Variants in PCDHGB2 observed in about 807,000 individuals in gnomAD.
PCDHGB2 encodes the protein protocadherin gamma subfamily B, 2, also known as protocadherin gamma-B2.
In PCDHGB2, 55 loss-of-function variants were observed where a neutral mutation model predicts 59.3. That is an observed-to-expected ratio of 0.93 (90% CI 0.75 to 1.16). The LOEUF is 1.16. Ranked by LOEUF, PCDHGB2 falls within the 50% of genes most tolerant of loss-of-function variation. The pLI is 0.00. For missense variants in PCDHGB2, 1,228 were observed against 1,198.5 expected (o/e 1.02, Z -0.36); for synonymous variants, 516 against 512.0 (o/e 1.01, Z -0.11).
At chr5:141,445,268 C>A (rs2098461653) in intron 1 of PCDHGB2, among the ~76,000 whole-genome samples, 1 of 152,170 alleles carries the variant, frequency 6.6e-6, no homozygotes, top group Non-Finnish European at 1.5e-5. Flanking sequence ...TAAGTCGAAA[C>A]CACTCTGCAT....
At chr5:141,478,215 T>C (rs764444582) in intron 1 of PCDHGB2, 11 of 1,614,118 alleles carry the variant, frequency 6.8e-6, no homozygotes. Context: ...TCTCTAATCC[T>C]GGTTTCTGTG....
intron 1 of PCDHGB2, among the ~76,000 whole-genome samples, chr5:141,474,165 A>G (rs1444314307): frequency 6.6e-6 from 1 of 152,234 alleles, no homozygotes; most frequent in Non-Finnish European, 1.5e-5. Context: ...GACAGGCCTT[A>G]TTATTGAGAA....
intron 1 of PCDHGB2, chr5:141,421,801 A>G (rs754191783): frequency 6.2e-7 from 1 of 1,613,858 alleles, no homozygotes; most frequent in Middle Eastern, 1.6e-4. Flanking sequence ...TGGGGCCAAG[A>G]ATCCAGAGCT....
rs772659046 is a variant in PCDHGB2 at position 141,426,970 on chromosome 5, A to C, written c.2421+64414A>C. On this transcript the variant is annotated intron_variant, in intron 1 of 3. Coordinates refer to ENST00000522605, the MANE Select transcript of PCDHGB2 (RefSeq NM_018923.3). Reference sequence around the variant, plus strand: ...ACTGGCACTGCTGCAATTCAAATTGAGGTCACTGATGCCAACGATAATGCC... The same window carrying C: ...ACTGGCACTGCTGCAATTCAAATTGCGGTCACTGATGCCAACGATAATGCC... 72 of 456,624 alleles carry C rather than the reference A, an allele frequency of 1.6e-4. No homozygotes were observed. In the Middle Eastern group the frequency reaches 1.6e-3, roughly 10 times the overall value. The allele number at this position is 456,624 out of a possible 1,614,324, so 28.3% of individuals were successfully genotyped here. A position where few individuals can be genotyped will look rare whatever the true frequency, so the allele number is the denominator to read the frequency against.
intron 1 of PCDHGB2, chr5:141,377,686 C>T (rs766172227): frequency 1.1e-4 from 16 of 151,986 alleles, no homozygotes; most frequent in African/African-American, 2.9e-4. Context: ...AGATCTTTCA[C>T]CTTTACTACT....
At chr5:141,492,218 T>C (rs2099738354) in intron 1 of PCDHGB2, among the ~76,000 whole-genome samples, 1 of 152,114 alleles carries the variant, frequency 6.6e-6, no homozygotes. Flanking sequence ...GCGGGGCTCA[T>C]GCGTGTCCTC....
At chr5:141,365,106 C>CTCT (rs1561533219) in intron 1 of PCDHGB2, 1 of 1,613,862 alleles carries the variant, frequency 6.2e-7, no homozygotes, top group South Asian at 1.1e-5. Flanking sequence ...CCTGTGGGCA[C>CTCT]TCGGCTGCTC....
rs542248328 is a variant in PCDHGB2, at chr5:141,432,682, C to T, written c.2422-62125C>T. ...TGGACAGAGACGCGCTCAAGCAGAG[C>T]CTCGTAGTGGCCGTCCAGGACCACG... On this transcript the variant is annotated intron_variant, in intron 1 of 3. Coordinates refer to ENST00000522605, the MANE Select transcript of PCDHGB2 (RefSeq NM_018923.3). This position sits in a 1 kb window ranked among gnomAD's most constrained non-coding sequence, Gnocchi z 6.0. The T allele has an allele frequency of 6.5e-5, 105 of 1,613,976 alleles. No homozygotes were observed. In the African/African-American group the frequency reaches 1.1e-3, roughly 17 times the overall value.
In PCDHGB2 at chr5:141,403,493, A is replaced by G. The variant is rs762825635; in HGVS notation, c.2421+40937A>G. The G allele has an allele frequency of 8.7e-6, 14 of 1,613,886 alleles. No homozygotes were observed. The highest frequency in any genetic ancestry group is 5.0e-5 in the Admixed American group (3 of 59,998). Reference sequence around the variant, plus strand: ...CAGCCCCAATCACCACTTCTCCCTGAACGTGCAGACTGGAGACAATGGAGC... The same window carrying G: ...CAGCCCCAATCACCACTTCTCCCTGGACGTGCAGACTGGAGACAATGGAGC... On this transcript the variant is annotated intron_variant, in intron 1 of 3. Coordinates refer to ENST00000522605, the MANE Select transcript of PCDHGB2 (RefSeq NM_018923.3).
At chr5:141,389,883 C>A in intron 1 of PCDHGB2, 1 of 1,614,084 alleles carries the variant, frequency 6.2e-7, no homozygotes. Context: ...CGACAGCTTG[C>A]AGGAGGTGCT....
rs139608956 is a variant in PCDHGB2, at chr5:141,510,637, A to G, written c.2570-310A>G. Among the ~76,000 whole-genome samples, 4 of 152,242 alleles carry G rather than the reference A, an allele frequency of 2.6e-5. No individual in the cohort carries two copies. The East Asian group carries it at 7.7e-4, about 29-fold the overall frequency. ...ACTAAAACCAGAAGAGGTGGTTACC[A>G]TTATCATCCCCATTTTGCAGATGAG... On this transcript the variant is annotated intron_variant, in intron 3 of 3. Transcript: ENST00000522605.
rs779390477 is a variant in PCDHGB2 at position 141,419,000 on chromosome 5, G to A, written c.2421+56444G>A. ...GGACCAAGACTCAGGGGAAAATGGG[G>A]AAGTCAGGTGTAGCTTAAGTAGAGG... On this transcript the variant is annotated intron_variant, in intron 1 of 3. Transcript: ENST00000522605. 3.1e-6 allele frequency: 5 copies of A among 1,613,962 alleles called. 1 individual carries two copies. In the South Asian group the frequency reaches 4.4e-5, roughly 14 times the overall value.
intron 1 of PCDHGB2, among the ~76,000 whole-genome samples, chr5:141,439,689 A>G (rs1193986599): frequency 6.6e-6 from 1 of 152,218 alleles, no homozygotes; most frequent in Non-Finnish European, 1.5e-5. Flanking sequence ...CAGACCCACA[A>G]CATTCCTATT....
rs761528900 is a variant in PCDHGB2 at position 141,376,319 on chromosome 5, G to A, written c.2421+13763G>A. The A allele has an allele frequency of 2.5e-6, 4 of 1,614,220 alleles. No homozygotes were observed. In the East Asian group the frequency reaches 6.7e-5, roughly 27 times the overall value. On this transcript the variant is annotated intron_variant, in intron 1 of 3. Coordinates refer to ENST00000522605, the MANE Select transcript of PCDHGB2 (RefSeq NM_018923.3). ...CTCGCACTTTGTGGGCGTGGAAGGGGTTCGGGCTTTCCTGCAGACCTATTC... is the reference window on the plus strand; with the variant it reads ...CTCGCACTTTGTGGGCGTGGAAGGGATTCGGGCTTTCCTGCAGACCTATTC...
intron 1 of PCDHGB2, chr5:141,419,330 C>G (rs2096361200): frequency 1.9e-6 from 3 of 1,613,958 alleles, no homozygotes; most frequent in Non-Finnish European, 2.5e-6. Context: ...CTCCTACTCT[C>G]TCATTGCCAG....
intron 1 of PCDHGB2, among the ~76,000 whole-genome samples, chr5:141,381,944 C>G (rs1777787484): frequency 6.7e-6 from 1 of 149,738 alleles, no homozygotes; most frequent in African/African-American, 2.5e-5. Context: ...ATTTTCCTGC[C>G]TCAGCCTCCT....
intron 1 of PCDHGB2, chr5:141,388,068 C>T (rs562398369): frequency 8.0e-6 from 11 of 1,373,194 alleles, no homozygotes; most frequent in Non-Finnish European, 1.1e-5. Flanking sequence ...CCAGGAGTTA[C>T]CGACTCGAAA....
At chr5:141,379,475 T>C (rs192049867) in intron 1 of PCDHGB2, 35 of 152,390 alleles carry the variant, frequency 2.3e-4, no homozygotes, top group African/African-American at 8.2e-4. Flanking sequence ...GTGTGAATGT[T>C]ATTTTACTAT....
chr5:141,417,800 C>T, intron 1 of PCDHGB2: 1 of 1,489,386 alleles, frequency 6.7e-7, no homozygotes. Context: ...TCTTTTAGCG[C>T]GGTAGAGTGC....
Sources: allele counts gnomAD v4.1 joint callset (sites outside exome capture counted in the v4.1 genomes callset), GRCh38; gene constraint gnomAD v4.1.1; non-coding constraint Gnocchi (gnomAD v3.1); transcripts MANE v1.5; gene names NCBI Gene and HGNC (gene_info 2026-07-23, HGNC 2026-07-21).